Variants in EDEM1 observed in about 807,000 individuals in gnomAD.
The protein encoded by EDEM1 is ER degradation enhancing alpha-mannosidase like protein 1, also known as ER degradation-enhancing alpha-mannosidase-like protein 1.
A neutral mutation model predicts 74.4 loss-of-function variants in EDEM1; 67 were observed. The observed-to-expected ratio is 0.90, with a 90% confidence interval of 0.74 to 1.10. The LOEUF is 1.10. EDEM1 is among the 50% of genes least tolerant of loss of function. The probability of loss-of-function intolerance (pLI) is 0.00; values close to 1 mark genes in which losing one functional copy is unlikely to be tolerated. For synonymous variants in EDEM1, 382 were observed against 335.9 expected (o/e 1.14, Z -1.50); for missense variants, 926 against 851.6 (o/e 1.09, Z -1.09).
At chr3:5,189,325 G>A (rs2054871625) in intron 1 of EDEM1, 2 of 152,184 alleles carry the variant, frequency 1.3e-5, no homozygotes, top group African/African-American at 4.8e-5. Context: ...CTTAGGTTCT[G>A]ATAAGGAAGC....
At chr3:5,209,636 A>G (rs1426041133) in intron 8 of EDEM1, among the ~76,000 whole-genome samples, 2 of 152,218 alleles carry the variant, frequency 1.3e-5, no homozygotes, top group African/African-American at 2.4e-5. Context: ...TAGTAAAACC[A>G]TCTAAGAGTA....
chr3:5,199,505 T>C (rs1314376909), intron 2 of EDEM1, 87 bp from the exon 3 acceptor site: 5 of 912,234 alleles, frequency 5.5e-6, no homozygotes, highest in Non-Finnish European at 8.5e-6. Context: ...CATACAGACA[T>C]TTAGGTGACG....
At chr3:5,209,249 G>T (rs1317678973) in intron 8 of EDEM1, among the ~76,000 whole-genome samples, 4 of 152,126 alleles carry the variant, frequency 2.6e-5, no homozygotes, top group African/African-American at 7.2e-5. Flanking sequence ...TGAGTTTTAG[G>T]TAACCTCTCA....
intron 1 of EDEM1, among the ~76,000 whole-genome samples, chr3:5,189,756 A>G (rs2054877561): frequency 6.6e-6 from 1 of 152,210 alleles, no homozygotes; most frequent in Non-Finnish European, 1.5e-5. Context: ...TCGTGCCACC[A>G]CGCCCGGCTA....
chr3:5,209,486 C>A (rs2055140831), intron 8 of EDEM1, among the ~76,000 whole-genome samples: 1 of 152,178 alleles, frequency 6.6e-6, no homozygotes, highest in Non-Finnish European at 1.5e-5. Flanking sequence ...CCTCCGAAGC[C>A]ACACCCTGTG....
chr3:5,188,658 C>A (rs180733), intron 1 of EDEM1, among the ~76,000 whole-genome samples: 1 of 152,094 alleles, frequency 6.6e-6, no homozygotes, highest in Non-Finnish European at 1.5e-5. Context: ...TTCCATCCGA[C>A]CCCTTCCTCC....
Position 5,215,899 on chromosome 3 carries a change from A to G in EDEM1, c.1955A>G (p.Gln652Arg). Residue 652 changes from glutamine to arginine, a missense_variant, in exon 12 of 12, where the codon CAG becomes CGG. By Grantham distance (43) the Gln-to-Arg change is conservative. Coordinates refer to ENST00000256497, the MANE Select transcript of EDEM1 (RefSeq NM_014674.3). ...LKSIYMRQID[Q>R]MVGLI is the part of the protein sequence containing the mutation. The stretch of plus-strand genomic sequence containing the variant: ...AGCATCTACATGCGACAGATTGACC[A>G]GATGGTTGGTTTGATTTGATCTGCT... 6.2e-7 allele frequency: 1 copy of G among 1,612,954 alleles called. No homozygotes were observed. Among genetic ancestry groups the G allele is most frequent in the Non-Finnish European group, 8.5e-7 (1 of 1,179,590 alleles).
chr3:5,204,936 C>G, intron 5 of EDEM1, 131 bp from the exon 6 acceptor site: 1 of 954,414 alleles, frequency 1.0e-6, no homozygotes, highest in Non-Finnish European at 1.6e-6. Flanking sequence ...GTCCAAGCAA[C>G]CACCTCCTTC....
chr3:5,207,994 GAAC>G, intron 7 of EDEM1, 96 bp from the exon 8 acceptor site: 1 of 1,406,718 alleles, frequency 7.1e-7, no homozygotes, highest in Admixed American at 2.5e-5. Context: ...GGTCAACTAA[GAAC>G]TCGGGGGCAG....
chr3:5,201,670 A>G (rs566054023), intron 3 of EDEM1, 83 bp from the exon 4 acceptor site: 7 of 1,541,830 alleles, frequency 4.5e-6, no homozygotes, highest in Non-Finnish European at 5.3e-6. Context: ...GTGGATATGA[A>G]CATACTTCTA....
chr3:5,188,705 C>T (rs377149607), intron 1 of EDEM1, among the ~76,000 whole-genome samples: 1 of 150,162 alleles, frequency 6.7e-6, no homozygotes, highest in African/African-American at 2.4e-5. Flanking sequence ...CTCCATCATG[C>T]CCCCCGTGTA....
chr3:5,189,050 G>T (rs188510110), intron 1 of EDEM1, among the ~76,000 whole-genome samples: 58 of 152,304 alleles, frequency 3.8e-4, no homozygotes, highest in Non-Finnish European at 6.5e-4. Context: ...GGAAGGTCAG[G>T]CAGTCTTCCC....
intron 10 of EDEM1, 139 bp from the exon 11 acceptor site, chr3:5,213,180 A>G (rs994619945): frequency 2.4e-6 from 2 of 831,482 alleles, no homozygotes; most frequent in Non-Finnish European, 3.7e-6. Context: ...TTGTCAGTCA[A>G]TTCCTTTTCA....
intron 11 of EDEM1, 38 bp from the exon 12 acceptor site, chr3:5,215,791 T>C: frequency 6.4e-7 from 1 of 1,557,678 alleles, no homozygotes; most frequent in Non-Finnish European, 8.9e-7. Flanking sequence ...GAGAGCAACA[T>C]ATGAGTTTTT....
intron 1 of EDEM1, among the ~76,000 whole-genome samples, chr3:5,190,001 G>A (rs528146448): frequency 3.1e-3 from 75 of 23,884 alleles, no homozygotes; most frequent in Admixed American, 5.9e-3. Flanking sequence ...TTTTTTTTTG[G>A]GGGGGGGGAT....
chr3:5,216,243 T>C lies in EDEM1; in HGVS notation c.*325T>C, dbSNP rs2055234016. On this transcript the variant is annotated 3_prime_UTR_variant, in exon 12 of 12. Transcript: ENST00000256497. ...AGCTTTATACTTCAGAACCTAAGTCTCTTCACTTTGCTGGCACCTGCTATA... is the reference window on the plus strand; with the variant it reads ...AGCTTTATACTTCAGAACCTAAGTCCCTTCACTTTGCTGGCACCTGCTATA... 1 of 269,920 alleles carries C rather than the reference T, an allele frequency of 3.7e-6. No homozygotes were observed. The highest frequency in any genetic ancestry group is 5.4e-5 in the Admixed American group (1 of 18,510). The allele number at this position is 269,920 out of a possible 1,614,324, so 16.7% of individuals were successfully genotyped here.
intron 2 of EDEM1, among the ~76,000 whole-genome samples, chr3:5,197,920 A>G (rs1043727276): frequency 6.6e-6 from 1 of 152,240 alleles, no homozygotes; most frequent in African/African-American, 2.4e-5. Flanking sequence ...GACATGAGAC[A>G]TCAATCAGTA....
intron 6 of EDEM1, among the ~76,000 whole-genome samples, chr3:5,206,553 G>A (rs1328735757): frequency 6.6e-6 from 1 of 152,178 alleles, no homozygotes; most frequent in East Asian, 1.9e-4. Flanking sequence ...TCCAGTTTCA[G>A]TGCAAGTTAT....
chr3:5,212,256 T>G (rs1322567424), intron 10 of EDEM1, among the ~76,000 whole-genome samples: 1 of 152,230 alleles, frequency 6.6e-6, no homozygotes, highest in African/African-American at 2.4e-5. Context: ...GTCTGGGGTC[T>G]TTTCACAGAT....
Sources: allele counts gnomAD v4.1 joint callset (sites outside exome capture counted in the v4.1 genomes callset), GRCh38; gene constraint gnomAD v4.1.1; transcripts MANE v1.5; gene names NCBI Gene and HGNC (gene_info 2026-07-23, HGNC 2026-07-21).